HIPK1: variants seen among roughly 807,000 people sequenced by gnomAD.
The protein encoded by HIPK1 is homeodomain-interacting protein kinase 1.
HIPK1 carries 28 observed loss-of-function variants against 117.1 expected under a neutral mutation model. The observed-to-expected ratio is 0.24, with a 90% CI of 0.18 to 0.33. The LOEUF (loss-of-function observed/expected upper bound fraction) is 0.33. HIPK1 is among the 10% of genes least tolerant of loss of function. The probability of loss-of-function intolerance (pLI) is 1.00; values close to 1 mark genes in which losing one functional copy is unlikely to be tolerated. For synonymous variants in HIPK1, 605 were observed against 562.5 expected (o/e 1.08, Z -1.07); for missense variants, 1,122 against 1,475.1 (o/e 0.76, Z 3.92).
intron 3 of HIPK1, 45 bp downstream of exon 3, chr1:113,952,934 T>A (rs1409913341): frequency 1.4e-6 from 2 of 1,419,104 alleles, no homozygotes; most frequent in Non-Finnish European, 9.3e-7. Flanking sequence ...AATAGTTACT[T>A]GTGAATTAGA....
chr1:113,936,232 G>A (rs1670240799), intron 1 of HIPK1, among the ~76,000 whole-genome samples: 1 of 152,204 alleles, frequency 6.6e-6, no homozygotes, highest in African/African-American at 2.4e-5. Flanking sequence ...GAAGACCAGT[G>A]AAAGAATTCT....
intron 14 of HIPK1, among the ~76,000 whole-genome samples, chr1:113,971,257 G>A (rs1241001982): frequency 1.3e-5 from 2 of 152,172 alleles, no homozygotes; most frequent in Non-Finnish European, 2.9e-5. Flanking sequence ...GTGCTCTTGG[G>A]TCCAGAGAAT....
intron 6 of HIPK1, 58 bp from the exon 7 acceptor site, chr1:113,957,066 A>G (rs1671775591): frequency 1.5e-6 from 2 of 1,375,532 alleles, no homozygotes; most frequent in African/African-American, 2.9e-5. Context: ...ATCTTGAGTT[A>G]TTTGCTGTCT....
intron 2 of HIPK1, among the ~76,000 whole-genome samples, chr1:113,949,535 A>G (rs1440779829): frequency 6.6e-6 from 1 of 151,986 alleles, no homozygotes; most frequent in African/African-American, 2.4e-5. Flanking sequence ...AAATTCCATC[A>G]GTAATATGTG....
intron 9 of HIPK1, 97 bp from the exon 10 acceptor site, chr1:113,963,290 C>A: frequency 8.9e-6 from 12 of 1,342,622 alleles, no homozygotes; most frequent in Admixed American, 2.1e-5. Flanking sequence ...AATTACTGTT[C>A]ATTGTCAGTA....
Position 113,956,628 on chromosome 1 carries a change from T to G in HIPK1, c.1409T>G (p.Val470Gly). The change falls in exon 6 of 16, where the codon GTG becomes GGG. Residue 470 changes from valine to glycine, a missense_variant and splice_region_variant. Physicochemically the swap from Val to Gly is moderately radical, Grantham distance 109. Coordinates refer to ENST00000426820, the MANE Select transcript of HIPK1 (RefSeq NM_198268.3). The part of the protein sequence containing the change: ...IFNCLDDMAQ[V>G]NMSTDLEGTD... ...ATAATTCTGAATTTTCTTTGGAAGG[T>G]GAATATGTCTACAGACCTGGAGGGA... 1 of 1,607,940 alleles carries G rather than the reference T, an allele frequency of 6.2e-7. No individual in the cohort carries two copies. Among genetic ancestry groups the G allele is most frequent in the South Asian group, 1.1e-5 (1 of 90,072 alleles).
intron 8 of HIPK1, 32 bp downstream of exon 8, chr1:113,958,323 T>C: frequency 6.8e-7 from 1 of 1,473,054 alleles, no homozygotes; most frequent in Admixed American, 1.8e-5. Flanking sequence ...TCATATGGTA[T>C]TGTATCAGAC....
At chr1:113,970,279 C>G in intron 14 of HIPK1, 82 bp downstream of exon 14, 1 of 1,451,154 alleles carries the variant, frequency 6.9e-7, no homozygotes, top group Non-Finnish European at 9.6e-7. Context: ...CCACTTATAT[C>G]AGTGGTAGAG....
chr1:113,972,423 C>T (rs997850209), intron 15 of HIPK1, among the ~76,000 whole-genome samples: 4 of 152,152 alleles, frequency 2.6e-5, no homozygotes, highest in African/African-American at 4.8e-5. Context: ...CCCCACTCTC[C>T]GAACACCCCC....
Position 113,941,521 on chromosome 1 carries a change from T to C in HIPK1, c.1076+62T>C, listed in dbSNP as rs1411184422. ...GAGTTCTGTCCTTATATTTAACATATACCCCGTAGGCTACATATAGCAATG... is the reference window on the plus strand; with the variant it reads ...GAGTTCTGTCCTTATATTTAACATACACCCCGTAGGCTACATATAGCAATG... On this transcript the variant is annotated intron_variant, in intron 2 of 15. Transcript: ENST00000426820. This position sits in a 1 kb window ranked among gnomAD's most constrained non-coding sequence, Gnocchi z 4.9. 204 of 1,250,828 alleles carry C rather than the reference T, an allele frequency of 1.6e-4. 1 individual carries two copies. Among genetic ancestry groups the C allele is most frequent in the Non-Finnish European group, 4.5e-6 (4 of 881,836 alleles). The allele number at this position is 1,250,828 out of a possible 1,614,324, so 77.5% of individuals were successfully genotyped here.
In HIPK1 at chr1:113,940,803, A is replaced by G; in HGVS notation, c.420A>G (p.Glu140=). ...GCAACGGTAGTGTGCAGATCATAGA[A>G]GAACATCCCCCTCTCATGCTGCAAA... is the stretch of plus-strand genomic sequence containing the variant. The part of the protein sequence containing the change: ...VDSNGSVQII[E]EHPPLMLQNR... Residue 140 remains glutamate (E), a synonymous_variant, in exon 2 of 16, where the codon GAA becomes GAG. Transcript: ENST00000426820. 1 of 1,614,094 alleles carries G rather than the reference A, an allele frequency of 6.2e-7. No homozygotes were observed. Among genetic ancestry groups the G allele is most frequent in the Non-Finnish European group, 8.5e-7 (1 of 1,180,040 alleles).
rs1672846598 is a variant in HIPK1, at chr1:113,971,833, G to A, written c.3023G>A (p.Ser1008Asn). Residue 1008 changes from serine to asparagine, a missense_variant, in exon 15 of 16, where the codon AGC becomes AAC. Ser to Asn is a conservative substitution (Grantham distance 46). This residue lies in a region of HIPK1 where 731 missense variants were observed against 860.4 expected (regional missense o/e 0.85). Transcript: ENST00000426820. ...TVATQASGLL[S>N]NKTKPVASVS... ...CCTGGTGCTTTTTTAGGTCTCCTGA[G>A]CAATAAGACTAAGCCAGTCGCTTCA... The A allele has an allele frequency of 2.5e-6, 4 of 1,593,480 alleles. No individual in the cohort carries two copies. The East Asian group carries it at 6.7e-5, about 27-fold the overall frequency.
At chr1:113,948,435 G>A (rs921240728) in intron 2 of HIPK1, among the ~76,000 whole-genome samples, 3 of 151,912 alleles carry the variant, frequency 2.0e-5, no homozygotes, top group African/African-American at 7.3e-5. Flanking sequence ...AAATTTTTTT[G>A]GTAGAGATTG....
At position 113,958,201 on chromosome 1, in the gene HIPK1, G is replaced by A; in HGVS notation, c.1891G>A (p.Gly631Ser). The A allele has an allele frequency of 1.2e-6, 2 of 1,614,076 alleles. No homozygotes were observed. Among genetic ancestry groups the A allele is most frequent in the Non-Finnish European group, 8.5e-7 (1 of 1,180,006 alleles). The change falls in exon 8 of 16, where the codon GGT becomes AGT. Residue 631 changes from glycine to serine, a missense_variant. Physicochemically the swap from Gly to Ser is moderately conservative, Grantham distance 56. Transcript: ENST00000426820. ...AAPVPGVAQQ[G>S]VSLQPGTTQI... is the part of the protein sequence containing the mutation. The stretch of plus-strand genomic sequence containing the variant: ...ACCAGTTCCTGGAGTTGCCCAGCAG[G>A]GTGTTTCCTTGCAGCCTGGAACCAC...
intron 8 of HIPK1, among the ~76,000 whole-genome samples, chr1:113,961,942 CAAAAAAAAA>C (rs957986733): frequency 0.027 from 873 of 32,300 alleles, 10 homozygotes; most frequent in African/African-American, 0.08. Context: ...GACTCCATCT[CAAAAAAAAA>C]AAAAAAAAAA....
intron 3 of HIPK1, among the ~76,000 whole-genome samples, chr1:113,954,424 C>T (rs76623368): frequency 6.6e-6 from 1 of 151,862 alleles, no homozygotes; most frequent in Non-Finnish European, 1.5e-5. Context: ...ACAGGAAAAG[C>T]AAAAAAGATT....
At position 113,963,501 on chromosome 1, in the gene HIPK1, G is replaced by C. The variant is rs767306053; in HGVS notation, c.2218G>C (p.Glu740Gln). ...SCAAGRPALV[E>Q]QTAAVLQAWP... is the part of the protein sequence containing the mutation. ...CGCAGCCGGCCGGCCGGCGCTGGTT[G>C]AACAGACTGCCGCTGTACTGGTAAT... is the stretch of plus-strand genomic sequence containing the variant. Residue 740 changes from glutamate to glutamine, a missense_variant, in exon 10 of 16, where the codon GAA becomes CAA. By Grantham distance (29) the Glu-to-Gln change is conservative. Coordinates refer to ENST00000426820, the MANE Select transcript of HIPK1 (RefSeq NM_198268.3). The C allele has an allele frequency of 6.2e-7, 1 of 1,614,150 alleles. No individual in the cohort carries two copies. Among genetic ancestry groups the C allele is most frequent in the South Asian group, 1.1e-5 (1 of 91,050 alleles).
chr1:113,933,222 A>C, intron 1 of HIPK1: 5 of 983,160 alleles, frequency 5.1e-6, no homozygotes, highest in Non-Finnish European at 6.0e-6. Flanking sequence ...AGCTTTAAGC[A>C]GAGACTAGAA....
chr1:113,952,994 G>A (rs1671466046), intron 3 of HIPK1, 105 bp downstream of exon 3: 1 of 1,061,746 alleles, frequency 9.4e-7, no homozygotes, highest in Non-Finnish European at 1.2e-6. Context: ...TAGATAATAG[G>A]GAAAGAGTAG....
Sources: gnomAD v4.1 joint callset for allele counts (sites outside exome capture counted in the v4.1 genomes callset) on GRCh38, gnomAD v4.1.1 for gene constraint, gnomAD v4.1.1 regional missense constraint, Gnocchi (gnomAD v3.1) non-coding constraint, MANE v1.5 for transcripts, NCBI Gene and HGNC (gene_info 2026-07-23, HGNC 2026-07-21) for gene names.